The following RDH13 variants were observed in gnomAD, a reference collection of about 807,000 sequenced individuals.
The protein encoded by RDH13 is retinol dehydrogenase 13 (all-trans and 9-cis).
In RDH13, 35 loss-of-function variants were observed where a neutral mutation model predicts 28.3. The observed-to-expected ratio is 1.24, with a 90% CI of 0.95 to 1.64. RDH13 has a LOEUF of 1.64. Ranked by LOEUF, RDH13 falls within the 40% of genes most tolerant of loss-of-function variation. The probability of loss-of-function intolerance (pLI) is 0.00; values close to 1 mark genes in which losing one functional copy is unlikely to be tolerated. For synonymous variants in RDH13, 229 were observed against 198.5 expected (o/e 1.15, Z -1.29); for missense variants, 514 against 446.3 (o/e 1.15, Z -1.37).
chr19:55,054,805 T>C (rs1043623613), intron 3 of RDH13, among the ~76,000 whole-genome samples: 6 of 151,810 alleles, frequency 4.0e-5, no homozygotes, highest in African/African-American at 1.5e-4. Context: ...CTCTAACTCC[T>C]GAGCTCAAGC....
chr19:55,040,153 CTGTTTTT>C (rs534389193), downstream of RDH13, among the ~76,000 whole-genome samples: 196 of 152,216 alleles, frequency 1.3e-3, no homozygotes, highest in African/African-American at 3.2e-3. Context: ...ATGCCATTGA[CTGTTTTT>C]TGTTTTTTGG....
chr19:55,064,169 T>C (rs1481964954), upstream of RDH13: 1 of 152,252 alleles, frequency 6.6e-6, no homozygotes, highest in Non-Finnish European at 1.5e-5. Context: ...ACGCCTGTAA[T>C]CCCAGCACTT....
chr19:55,059,072 C>T, intron 2 of RDH13, 85 bp downstream of exon 2: 2 of 897,464 alleles, frequency 2.2e-6, no homozygotes, highest in Non-Finnish European at 1.8e-6. Flanking sequence ...GCCTGGGTTC[C>T]TTCCACCTCC....
At chr19:55,060,245 A>T (rs1025457624) in intron 1 of RDH13, among the ~76,000 whole-genome samples, 1 of 151,566 alleles carries the variant, frequency 6.6e-6, no homozygotes, top group East Asian at 2.0e-4. Flanking sequence ...CTGATTGTAC[A>T]TTTGTTCAAT....
In RDH13 at chr19:55,045,269, G is replaced by T. The variant is rs113172282; in HGVS notation, c.801C>A (p.Ala267=). The T allele has an allele frequency of 1.6e-4, 265 of 1,613,082 alleles. No individual in the cohort carries two copies. The Middle Eastern group carries it at 3.0e-3, about 18-fold the overall frequency. ...FWLLVKSPEL[A]AQPSTYLAVA... is the part of the protein sequence containing the mutation. Reference sequence around the variant, plus strand: ...CGGCCAGGTATGTGCTGGGCTGGGCGGCCAGCTCGGGGCTCTTGACCAGCA... The same window carrying T: ...CGGCCAGGTATGTGCTGGGCTGGGCTGCCAGCTCGGGGCTCTTGACCAGCA... The change falls in exon 7 of 7, where the codon GCC becomes GCA. Residue 267 remains alanine (A), a synonymous_variant. Transcript: ENST00000415061.
intron 3 of RDH13, among the ~76,000 whole-genome samples, chr19:55,054,644 C>T (rs34602228): frequency 0.15 from 22,289 of 152,160 alleles, 2,265 homozygotes; most frequent in Non-Finnish European, 0.22. Flanking sequence ...ATACGGCTCA[C>T]TGCAGCCTTG....
At chr19:55,064,167 A>C (rs1371488403), upstream of RDH13, 2 of 152,302 alleles carry the variant, frequency 1.3e-5, no homozygotes, top group African/African-American at 4.8e-5. Context: ...TCACGCCTGT[A>C]ATCCCAGCAC....
At chr19:55,060,030 G>C (rs376920484) in intron 1 of RDH13, among the ~76,000 whole-genome samples, 3 of 152,268 alleles carry the variant, frequency 2.0e-5, no homozygotes, top group East Asian at 3.9e-4. Context: ...CTTGAACACA[G>C]AGTATTGTCC....
At chr19:55,053,832 A>C (rs2147035157) in intron 3 of RDH13, 1 of 152,288 alleles carries the variant, frequency 6.6e-6, no homozygotes, top group East Asian at 1.9e-4. Flanking sequence ...CAAGCCAGAG[A>C]CAGGATCAGA....
intron 4 of RDH13, 27 bp from the exon 5 acceptor site, chr19:55,048,568 C>T: frequency 6.2e-7 from 1 of 1,613,044 alleles, no homozygotes; most frequent in Non-Finnish European, 8.5e-7. Flanking sequence ...GAAAAGGTCA[C>T]TTTTGACTCA....
At chr19:55,042,049 G>A (rs2075045451), downstream of RDH13, 1 of 150,258 alleles carries the variant, frequency 6.7e-6, no homozygotes, top group Non-Finnish European at 1.5e-5. Context: ...TATGGCTGAT[G>A]ACCCCCTCAC....
intron 3 of RDH13, chr19:55,051,060 T>C (rs984052420): frequency 6.6e-6 from 1 of 150,912 alleles, no homozygotes; most frequent in Admixed American, 6.6e-5. Flanking sequence ...TACAACTGTA[T>C]ACTTACTCAT....
At chr19:55,060,204 A>C (rs1671181) in intron 1 of RDH13, among the ~76,000 whole-genome samples, 94,519 of 128,786 alleles carry the variant, frequency 0.73, 35,407 homozygotes, top group East Asian at 0.94. Context: ...CTCCTGCCTG[A>C]CCCTGGGAAC....
upstream of RDH13, among the ~76,000 whole-genome samples, chr19:55,064,662 G>C (rs981918259): frequency 1.3e-4 from 19 of 151,074 alleles, no homozygotes; most frequent in African/African-American, 3.9e-4. Flanking sequence ...CACCCAGGCT[G>C]GAGAGCAGTG....
intron 3 of RDH13, among the ~76,000 whole-genome samples, chr19:55,052,932 G>A (rs926309339): frequency 5.4e-5 from 8 of 147,154 alleles, no homozygotes; most frequent in African/African-American, 2.0e-4. Context: ...AAAGTGCTGG[G>A]ATTACAGGCG....
At chr19:55,059,082 C>T (rs547767488) in intron 2 of RDH13, 75 bp downstream of exon 2, 40 of 1,011,938 alleles carry the variant, frequency 4.0e-5, no homozygotes, top group African/African-American at 3.5e-4. Context: ...CTTCCACCTC[C>T]GGACTGTGAA....
At chr19:55,047,640 T>G in intron 5 of RDH13, 152 bp from the exon 6 acceptor site, 4 of 1,356,366 alleles carry the variant, frequency 2.9e-6, no homozygotes, top group Non-Finnish European at 3.9e-6. Flanking sequence ...CTTAGTGAAG[T>G]GGTCTTATCT....
chr19:55,069,202 G>C (rs1038454729), intron 1 of RDH13: 3 of 151,006 alleles, frequency 2.0e-5, no homozygotes, highest in Non-Finnish European at 4.4e-5. Flanking sequence ...GCCACCGGCA[G>C]TCTCCCTCCT....
intron 3 of RDH13, among the ~76,000 whole-genome samples, chr19:55,052,857 T>G (rs2075497752): frequency 1.3e-5 from 2 of 151,690 alleles, no homozygotes; most frequent in Non-Finnish European, 2.9e-5. Flanking sequence ...AGACACGGGG[T>G]TTCACCGTGT....
Sources: gnomAD v4.1 joint callset for allele counts (sites outside exome capture counted in the v4.1 genomes callset) on GRCh38, gnomAD v4.1.1 for gene constraint, MANE v1.5 for transcripts, NCBI Gene and HGNC (gene_info 2026-07-23, HGNC 2026-07-21) for gene names.